BCKDHA: variants seen among roughly 807,000 people sequenced by gnomAD.
The protein encoded by BCKDHA is 2-oxoisovalerate dehydrogenase subunit alpha, mitochondrial.
In BCKDHA, 43 loss-of-function variants were observed where a neutral mutation model predicts 52.2. The observed-to-expected ratio is 0.82, with a 90% CI of 0.64 to 1.06. The LOEUF is 1.06. Ranked by LOEUF, BCKDHA falls within the 50% of genes least tolerant of loss-of-function variation. BCKDHA has a pLI of 0.00. For synonymous variants in BCKDHA, 234 were observed against 247.9 expected (o/e 0.94, Z 0.53); for missense variants, 527 against 621.3 (o/e 0.85, Z 1.61).
intron 1 of BCKDHA, among the ~76,000 whole-genome samples, chr19:41,406,735 GT>G: frequency 6.6e-6 from 1 of 152,036 alleles, no homozygotes; most frequent in South Asian, 2.1e-4. Flanking sequence ...ATGCACGGCT[GT>G]TTTTTGTATT....
intron 1 of BCKDHA, among the ~76,000 whole-genome samples, chr19:41,408,626 T>A (rs1295474230): frequency 2.0e-5 from 3 of 152,004 alleles, no homozygotes; most frequent in African/African-American, 4.8e-5. Flanking sequence ...CTGAGCTTTT[T>A]TTTTTGTTTG....
At chr19:41,414,179 C>T (rs752891361) in intron 4 of BCKDHA, 22 bp downstream of exon 4, 3 of 1,599,158 alleles carry the variant, frequency 1.9e-6, no homozygotes, top group East Asian at 4.5e-5. Flanking sequence ...CGTGGTTTGG[C>T]CCTGTGGTCC....
rs905467085 is a variant in BCKDHA at position 41,424,953 on chromosome 19, G to C, written c.*345G>C. On this transcript the variant is annotated 3_prime_UTR_variant, in exon 9 of 9. Transcript: ENST00000269980. ...GCCTGTGGAACTTGCGCAGGTGCGA[G>C]TGGCCAGCAGAGGTCACGAATAAAC... is the stretch of plus-strand genomic sequence containing the variant. The C allele has an allele frequency of 2.7e-5, 7 of 254,584 alleles. No homozygotes were observed. The highest frequency in any genetic ancestry group is 4.5e-5 in the African/African-American group (2 of 44,930). The allele number at this position is 254,584 out of a possible 1,614,324, so 15.8% of individuals were successfully genotyped here.
chr19:41,413,552 C>G (rs2039278609), intron 3 of BCKDHA, among the ~76,000 whole-genome samples: 1 of 152,218 alleles, frequency 6.6e-6, no homozygotes, highest in Non-Finnish European at 1.5e-5. Context: ...CTCACTGCAG[C>G]CTGAGAGCAA....
Position 41,422,789 on chromosome 19 carries a change from G to T in BCKDHA, c.995+19G>T. ...CCTACAGGTGCCTGCCGCTCCCCCC[G>T]TCAGCACCCCCACAGCACTGACAGC... On this transcript the variant is annotated intron_variant, in intron 7 of 8. Transcript: ENST00000269980. 3 of 1,612,438 alleles carry T rather than the reference G, an allele frequency of 1.9e-6. No individual in the cohort carries two copies. The highest frequency in any genetic ancestry group is 2.2e-5 in the East Asian group (1 of 44,866).
At chr19:41,406,900 C>T (rs536035447) in intron 1 of BCKDHA, among the ~76,000 whole-genome samples, 5 of 152,060 alleles carry the variant, frequency 3.3e-5, no homozygotes, top group East Asian at 3.9e-4. Context: ...TTTTCAGAGA[C>T]GAGGGTTTTG....
chr19:41,413,012 G>A (rs971397401), intron 3 of BCKDHA, among the ~76,000 whole-genome samples: 4 of 152,184 alleles, frequency 2.6e-5, no homozygotes, highest in Non-Finnish European at 5.9e-5. Flanking sequence ...CCTGTCTGTA[G>A]ATACATCTTT....
intron 3 of BCKDHA, 65 bp from the exon 4 acceptor site, chr19:41,413,984 G>A: frequency 1.5e-6 from 2 of 1,373,126 alleles, no homozygotes; most frequent in Non-Finnish European, 2.1e-6. Flanking sequence ...GGCAGGATTT[G>A]GATGGCTCTC....
chr19:41,409,211 C>A (rs1189040817), intron 1 of BCKDHA, among the ~76,000 whole-genome samples: 3 of 152,146 alleles, frequency 2.0e-5, no homozygotes, highest in Non-Finnish European at 4.4e-5. Flanking sequence ...AGCCACTGTG[C>A]CTGGCCACTT....
At chr19:41,422,055 T>A in intron 5 of BCKDHA, 109 bp from the exon 6 acceptor site, 1 of 1,074,040 alleles carries the variant, frequency 9.3e-7, no homozygotes. Flanking sequence ...CCTTGAAGCC[T>A]GGTGACTGCT....
chr19:41,417,100 C>T (rs772223844), intron 4 of BCKDHA, among the ~76,000 whole-genome samples: 41 of 152,088 alleles, frequency 2.7e-4, no homozygotes, highest in Non-Finnish European at 4.6e-4. Context: ...CAACCTCTGC[C>T]TCTTAGGATC....
intron 6 of BCKDHA, 66 bp downstream of exon 6, chr19:41,422,436 C>T (rs1475350687): frequency 8.1e-6 from 13 of 1,596,706 alleles, no homozygotes; most frequent in Non-Finnish European, 8.6e-6. Context: ...AATCCTGCCA[C>T]CTTCCTGCCA....
intron 1 of BCKDHA, among the ~76,000 whole-genome samples, chr19:41,403,927 C>G (rs921216093): frequency 1.3e-5 from 2 of 152,138 alleles, no homozygotes; most frequent in Non-Finnish European, 2.9e-5. Flanking sequence ...TGAAATCTCC[C>G]GTTTTTTTTT....
chr19:41,424,433 C>CA lies in BCKDHA; in HGVS notation c.1168-4dup. 6.2e-7 allele frequency: 1 copy of CA among 1,613,952 alleles called. No individual in the cohort carries two copies. Among genetic ancestry groups the CA allele is most frequent in the Non-Finnish European group, 8.5e-7 (1 of 1,180,024 alleles). On this transcript the variant is annotated splice_polypyrimidine_tract_variant and splice_region_variant and intron_variant, in intron 8 of 8. Coordinates refer to ENST00000269980, the MANE Select transcript of BCKDHA (RefSeq NM_000709.4). ...TAGCCTGCCCACTGCCCCATGTCCC[C>CA]ACAGGTGATGGAGGCCTTTGAGCAG...
At chr19:41,408,733 T>A (rs974735044) in intron 1 of BCKDHA, among the ~76,000 whole-genome samples, 2 of 152,036 alleles carry the variant, frequency 1.3e-5, no homozygotes, top group Non-Finnish European at 2.9e-5. Flanking sequence ...TTCTCCCACC[T>A]CAGCCTTCCA....
intron 5 of BCKDHA, among the ~76,000 whole-genome samples, chr19:41,420,068 G>A (rs753745591): frequency 3.3e-5 from 5 of 152,172 alleles, no homozygotes; most frequent in Admixed American, 6.6e-5. Flanking sequence ...CACCTGGCCT[G>A]TGTTCCAGAC....
rs1239880042 is a variant in BCKDHA at position 41,414,135 on chromosome 19, G to A, written c.462G>A (p.Val154=). Residue 154 remains valine (V), a synonymous_variant, in exon 4 of 9, where the codon GTG becomes GTA. Coordinates refer to ENST00000269980, the MANE Select transcript of BCKDHA (RefSeq NM_000709.4). ...CCGCCCTGGACAACACGGACCTGGT[G>A]TTTGGCCAGTACCGGGAGGCAGGTA... is the stretch of plus-strand genomic sequence containing the variant. ...SAAALDNTDL[V]FGQYREAGVL... 1.2e-6 allele frequency: 2 copies of A among 1,613,554 alleles called. No homozygotes were observed. Among genetic ancestry groups the A allele is most frequent in the African/African-American group, 2.7e-5 (2 of 74,936 alleles).
chr19:41,410,565 C>T (rs555039335), intron 1 of BCKDHA, 72 bp from the exon 2 acceptor site: 22 of 1,568,442 alleles, frequency 1.4e-5, no homozygotes, highest in South Asian at 6.8e-5. Flanking sequence ...GCCTGCCTGC[C>T]GCCGGGGCTG....
chr19:41,399,391 G>A (rs1386778080), intron 1 of BCKDHA: 2 of 145,890 alleles, frequency 1.4e-5, no homozygotes, highest in African/African-American at 5.1e-5. Context: ...CTCAGTCCCA[G>A]GGGCCCATTG....
Sources: allele counts gnomAD v4.1 joint callset (sites outside exome capture counted in the v4.1 genomes callset), GRCh38; gene constraint gnomAD v4.1.1; transcripts MANE v1.5; gene names NCBI Gene and HGNC (gene_info 2026-07-23, HGNC 2026-07-21).